The following MARCHF1 variants were observed in gnomAD, a reference collection of about 807,000 sequenced individuals.
MARCHF1 encodes the protein membrane associated ring-CH-type finger 1.
A neutral mutation model predicts 54.2 loss-of-function variants in MARCHF1; 40 were observed. That is an observed-to-expected ratio of 0.74 (90% CI 0.57 to 0.96). The LOEUF is 0.96. Among genes scored for constraint, MARCHF1 ranks in the 40% least tolerant of loss-of-function variants. The probability of loss-of-function intolerance (pLI) is 0.00; values close to 1 mark genes in which losing one functional copy is unlikely to be tolerated. For missense variants in MARCHF1, 586 were observed against 656.5 expected (o/e 0.89, Z 1.17); for synonymous variants, 236 against 236.3 (o/e 1.00, Z 0.01).
chr4:163,693,421 T>C (rs1167874020), intron 5 of MARCHF1, among the ~76,000 whole-genome samples: 2 of 151,426 alleles, frequency 1.3e-5, no homozygotes, highest in Admixed American at 6.6e-5. Context: ...CTCAGAAAGC[T>C]GCAGTTCTGA....
At chr4:163,911,600 T>C (rs1376841092) in intron 3 of MARCHF1, among the ~76,000 whole-genome samples, 1 of 152,188 alleles carries the variant, frequency 6.6e-6, no homozygotes, top group African/African-American at 2.4e-5. Context: ...TGTTATGGGC[T>C]GAATCGTGTC....
At chr4:164,292,154 C>A (rs899802638) in intron 1 of MARCHF1, among the ~76,000 whole-genome samples, 2 of 152,016 alleles carry the variant, frequency 1.3e-5, no homozygotes, top group African/African-American at 4.8e-5. Context: ...TGATTTCTTA[C>A]CACTTAGAAC....
At chr4:164,156,941 G>T (rs1730094442) in intron 1 of MARCHF1, among the ~76,000 whole-genome samples, 1 of 151,994 alleles carries the variant, frequency 6.6e-6, no homozygotes, top group Non-Finnish European at 1.5e-5. Flanking sequence ...ATTGAGATTT[G>T]TTCATGCGTT....
At chr4:164,168,243 A>G (rs1594443) in intron 1 of MARCHF1, among the ~76,000 whole-genome samples, 28,209 of 151,132 alleles carry the variant, frequency 0.19, 4,310 homozygotes, top group African/African-American at 0.4. Flanking sequence ...CACCTGTAAG[A>G]ACAGCTGTTA....
At chr4:164,151,061 GGAGA>G (rs1729922433) in intron 1 of MARCHF1, among the ~76,000 whole-genome samples, 3 of 152,306 alleles carry the variant, frequency 2.0e-5, no homozygotes, top group Non-Finnish European at 4.4e-5. Flanking sequence ...GAAAAGGAAA[GGAGA>G]TAGATTCTTC....
intron 4 of MARCHF1, among the ~76,000 whole-genome samples, chr4:163,723,323 C>A (rs1160935133): frequency 6.6e-6 from 1 of 152,160 alleles, no homozygotes; most frequent in African/African-American, 2.4e-5. Context: ...GTTGAAAATT[C>A]TTTTCTTTAA....
intron 1 of MARCHF1, among the ~76,000 whole-genome samples, chr4:164,183,259 T>C (rs945105604): frequency 1.3e-5 from 2 of 152,190 alleles, no homozygotes; most frequent in Non-Finnish European, 2.9e-5. Flanking sequence ...ATCATACTTA[T>C]TATTGCCAAA....
chr4:163,954,009 G>A (rs896359242), intron 3 of MARCHF1, among the ~76,000 whole-genome samples: 1 of 152,160 alleles, frequency 6.6e-6, no homozygotes, highest in Non-Finnish European at 1.5e-5. Context: ...GCAGGCTACT[G>A]TTCCAGACTT....
At chr4:163,780,513 A>C (rs1561073354) in intron 4 of MARCHF1, among the ~76,000 whole-genome samples, 1 of 152,046 alleles carries the variant, frequency 6.6e-6, no homozygotes, top group Non-Finnish European at 1.5e-5. Flanking sequence ...TCATGAGGAG[A>C]CATTCCGGGC....
chr4:163,890,972 G>A lies in MARCHF1; in HGVS notation c.-38-36803C>T, dbSNP rs149492395. Among the ~76,000 whole-genome samples, 606 of 151,850 alleles carry A rather than the reference G, an allele frequency of 4.0e-3. 4 individuals carry two copies. The highest frequency in any genetic ancestry group is 0.014 in the African/African-American group (562 of 41,370). ...TTCAGAAAATTGTGCCAGGATAGTC[G>A]GAAATATACTGCTGTTATTCATATT... On this transcript the variant is annotated intron_variant, in intron 3 of 9. Coordinates refer to ENST00000514618, the MANE Select transcript of MARCHF1 (RefSeq NM_001394959.1).
At chr4:163,572,047 T>C (rs1259898919) in intron 8 of MARCHF1, among the ~76,000 whole-genome samples, 1 of 152,128 alleles carries the variant, frequency 6.6e-6, no homozygotes, top group Non-Finnish European at 1.5e-5. Context: ...TTCTTCCCTG[T>C]TCTAACTTGA....
At chr4:164,122,388 T>C (rs764816525) in intron 1 of MARCHF1, among the ~76,000 whole-genome samples, 11 of 152,234 alleles carry the variant, frequency 7.2e-5, no homozygotes, top group Admixed American at 5.2e-4. Flanking sequence ...GTGCCAATAA[T>C]GTTCAAGATG....
rs1056657233 is a variant in MARCHF1, at chr4:164,182,680, TAAATA to T, written c.-322-71023_-322-71019del. ...GATTTTACAATCATATATTTTAAAT[TAAATA>T]AATGATTCTAAATTAAAAAAAGAAG... On this transcript the variant is annotated intron_variant, in intron 1 of 9. Transcript: ENST00000514618. Among the ~76,000 whole-genome samples the T allele has an allele frequency of 1.7e-3, 252 of 152,054 alleles. 1 individual carries two copies. Among genetic ancestry groups the T allele is most frequent in the African/African-American group, 6.0e-3 (248 of 41,566 alleles).
At chr4:163,900,154 T>C (rs1417332523) in intron 3 of MARCHF1, among the ~76,000 whole-genome samples, 1 of 152,142 alleles carries the variant, frequency 6.6e-6, no homozygotes, top group African/African-American at 2.4e-5. Flanking sequence ...CTCACTGGAA[T>C]ACGAACTCAA....
chr4:163,743,312 T>C (rs758033494), intron 4 of MARCHF1, among the ~76,000 whole-genome samples: 11 of 152,208 alleles, frequency 7.2e-5, no homozygotes, highest in Non-Finnish European at 1.5e-4. Context: ...AGCTCTCATA[T>C]ACTCATTACA....
chr4:164,327,329 C>T (rs911222372), intron 1 of MARCHF1, among the ~76,000 whole-genome samples: 9 of 151,996 alleles, frequency 5.9e-5, no homozygotes, highest in Admixed American at 3.3e-4. Flanking sequence ...ACTGTTGAGA[C>T]GAGTCTTAAA....
intron 4 of MARCHF1, among the ~76,000 whole-genome samples, chr4:163,703,874 G>C (rs963194118): frequency 4.6e-5 from 7 of 151,274 alleles, no homozygotes; most frequent in Admixed American, 1.3e-4. Context: ...AACATGGTTG[G>C]ATTCTTTTTA....
chr4:163,736,880 A>C (rs1579242588), intron 4 of MARCHF1, among the ~76,000 whole-genome samples: 1 of 152,322 alleles, frequency 6.6e-6, no homozygotes, highest in Non-Finnish European at 1.5e-5. Flanking sequence ...TACTGTCTTC[A>C]TACTTTTTAA....
At chr4:163,561,295 T>C (rs59937173) in intron 8 of MARCHF1, among the ~76,000 whole-genome samples, 145 of 152,306 alleles carry the variant, frequency 9.5e-4, no homozygotes, top group African/African-American at 3.2e-3. Flanking sequence ...ACAAATTTTT[T>C]CTATGCCTTC....
Sources: gnomAD v4.1 joint callset for allele counts (sites outside exome capture counted in the v4.1 genomes callset) on GRCh38, gnomAD v4.1.1 for gene constraint, MANE v1.5 for transcripts, NCBI Gene and HGNC (gene_info 2026-07-23, HGNC 2026-07-21) for gene names.